Variants in EFHC2 observed in about 807,000 individuals in gnomAD.
EFHC2 encodes EF-hand domain-containing family member C2.
EFHC2 carries 18 observed loss-of-function variants against 52.7 expected under a neutral mutation model. The ratio of observed to expected loss-of-function variants is 0.34; its 90% confidence interval spans 0.24 to 0.51. The LOEUF is 0.51. Ranked by LOEUF, EFHC2 falls within the 20% of genes least tolerant of loss-of-function variation. The pLI, the probability that EFHC2 is intolerant of heterozygous loss-of-function variation, is 0.97. For missense variants in EFHC2, 513 were observed against 562.5 expected (o/e 0.91, Z 0.89); for synonymous variants, 203 against 204.1 (o/e 0.99, Z 0.04).
At chrX:44,276,620 G>A (rs971180625) in intron 2 of EFHC2, among the ~76,000 whole-genome samples, 9 of 112,103 alleles carry the variant, frequency 8.0e-5, no homozygotes, top group African/African-American at 2.9e-4. Flanking sequence ...GTTCTAACTT[G>A]ATATATGGTG....
chrX:44,161,377 C>T (rs1383223582), intron 14 of EFHC2, among the ~76,000 whole-genome samples: 1 of 111,850 alleles, frequency 8.9e-6, no homozygotes, highest in African/African-American at 3.3e-5. Context: ...CCATTACTAC[C>T]ACCTGAGGCT....
rs1029485337 is a variant in EFHC2, at chrX:44,283,504, C to T, written c.232-10668G>A. ...GCCGATCGGAAGCACTTTGACTCCC[C>T]GGAAGCACTTTGACTCCACGGAAGT... On this transcript the variant is annotated intron_variant, in intron 2 of 14. Coordinates refer to ENST00000420999, the MANE Select transcript of EFHC2 (RefSeq NM_025184.4). 5.2e-4 allele frequency among the ~76,000 whole-genome samples: 57 copies of T among 109,262 alleles called. 1 individual carries two copies. The highest frequency in any genetic ancestry group is 7.6e-4 in the Non-Finnish European group (40 of 52,612). The allele number at this position is 109,262 out of a possible 115,157, so 94.9% of individuals were successfully genotyped here. A position where few individuals can be genotyped will look rare whatever the true frequency, so the allele number is the denominator to read the frequency against.
At chrX:44,336,604 T>G (rs182254259) in intron 1 of EFHC2, among the ~76,000 whole-genome samples, 2 of 111,784 alleles carry the variant, frequency 1.8e-5, no homozygotes, top group East Asian at 5.6e-4. Context: ...GTAAGCATCC[T>G]GCCATTCATA....
chrX:44,162,953 C>T (rs1475059294), intron 14 of EFHC2, among the ~76,000 whole-genome samples: 1 of 112,058 alleles, frequency 8.9e-6, no homozygotes. Flanking sequence ...AGAGTCAATA[C>T]TTAATCCTGA....
chrX:44,242,374 G>A (rs1194684085), intron 7 of EFHC2, 85 bp from the exon 8 acceptor site: 2 of 986,228 alleles, frequency 2.0e-6, no homozygotes, highest in Non-Finnish European at 2.7e-6. Context: ...ATGTTTTCAA[G>A]ATGAACATGG....
At chrX:44,301,322 C>CT (rs1422555634) in intron 2 of EFHC2, among the ~76,000 whole-genome samples, 2 of 109,026 alleles carry the variant, frequency 1.8e-5, no homozygotes, top group African/African-American at 6.7e-5. Context: ...TTCCAACCCA[C>CT]TCCCCCCCCG....
chrX:44,265,195 C>T (rs1286197122), intron 3 of EFHC2, among the ~76,000 whole-genome samples: 1 of 112,124 alleles, frequency 8.9e-6, no homozygotes, highest in Non-Finnish European at 1.9e-5. Context: ...GATCTTTGCT[C>T]ATACCACTAA....
In EFHC2 at chrX:44,309,844, C is replaced by A. The variant is rs917581509; in HGVS notation, c.231+2724G>T. On this transcript the variant is annotated intron_variant, in intron 2 of 14. Coordinates refer to ENST00000420999, the MANE Select transcript of EFHC2 (RefSeq NM_025184.4). The stretch of plus-strand genomic sequence containing the variant: ...GGTAGCCTCTTTGTCCCCAATCCAG[C>A]GCAAGGCCCAATCTGCCTTCTTCTT... 1.4e-4 allele frequency: 160 copies of A among 1,177,266 alleles called. 1 individual carries two copies. Among genetic ancestry groups the A allele is most frequent in the Non-Finnish European group, 1.8e-4 (153 of 866,838 alleles).
chrX:44,232,626 T>C lies in EFHC2; in HGVS notation c.1475A>G (p.Gln492Arg), dbSNP rs1476681149. The C allele has an allele frequency of 1.7e-6, 2 of 1,199,214 alleles. No individual in the cohort carries two copies. The highest frequency in any genetic ancestry group is 3.0e-5 in the East Asian group (1 of 33,520). The change falls in exon 10 of 15, where the codon CAA (glutamine) becomes CGA (arginine). Residue 492 changes from glutamine (Q) to arginine (R), a missense_variant. Transcript: ENST00000420999. ...LKRSRVKKPG[Q>R]EVFKSELSEY... ...AGATAGTTCACTTTTAAAGACTTCT[T>C]GTCCAGGCTTCTTAACGCGACTTCT...
At chrX:44,287,026 T>TAAAAAA (rs57970615) in intron 2 of EFHC2, among the ~76,000 whole-genome samples, 2 of 15,207 alleles carry the variant, frequency 1.3e-4, no homozygotes, top group African/African-American at 5.1e-4. Context: ...CTCCCATCTC[T>TAAAAAA]AAAAAAAAAA....
chrX:44,194,877 G>A (rs1370654184), intron 11 of EFHC2, among the ~76,000 whole-genome samples: 3 of 111,178 alleles, frequency 2.7e-5, no homozygotes, highest in African/African-American at 9.8e-5. Context: ...CTCATTTGTC[G>A]CAATGGTAAC....
At chrX:44,272,583 A>G in intron 3 of EFHC2, 103 bp downstream of exon 3, 3 of 854,696 alleles carry the variant, frequency 3.5e-6, no homozygotes, top group Non-Finnish European at 4.8e-6. Flanking sequence ...CAGGTTAGAC[A>G]GCCTAAACAG....
intron 14 of EFHC2, among the ~76,000 whole-genome samples, chrX:44,160,358 A>C (rs1006193465): frequency 9.0e-6 from 1 of 111,620 alleles, no homozygotes; most frequent in Non-Finnish European, 1.9e-5. Flanking sequence ...GGAAAAGAAA[A>C]GAAAGGAAGA....
At position 44,232,501 on chromosome X, in the gene EFHC2, T is replaced by C. The variant is rs1477827003; in HGVS notation, c.1600A>G (p.Met534Val). 4.4e-6 allele frequency: 5 copies of C among 1,132,667 alleles called. No homozygotes were observed. The highest frequency in any genetic ancestry group is 5.9e-6 in the Non-Finnish European group (5 of 854,422). The allele number at this position is 1,132,667 out of a possible 1,213,427, so 93.3% of individuals were successfully genotyped here. The change falls in exon 10 of 15, where the codon ATG becomes GTG. Residue 534 changes from methionine to valine, a missense_variant. By Grantham distance (21) the Met-to-Val change is conservative. Transcript: ENST00000420999. ...LNADEYTLNYMEQNTDKYPFS... is the reference protein window; with the variant it reads ...LNADEYTLNYVEQNTDKYPFS... ...TTCACCTTATCTGTATTCTGCTCCA[T>C]GTAGTTTAAGGTATACTCATCAGCA...
intron 11 of EFHC2, among the ~76,000 whole-genome samples, chrX:44,205,884 T>C (rs769559808): frequency 2.7e-5 from 3 of 111,735 alleles, no homozygotes; most frequent in Admixed American, 1.9e-4. Context: ...ATGGACCTAA[T>C]AGACATCTAC....
At chrX:44,258,327 T>C (rs1478775179) in intron 4 of EFHC2, among the ~76,000 whole-genome samples, 1 of 110,003 alleles carries the variant, frequency 9.1e-6, no homozygotes, top group Admixed American at 9.7e-5. Context: ...CAAAAGAAAC[T>C]ATCATTAGAG....
chrX:44,242,506 TAA>T (rs199945466), intron 7 of EFHC2, among the ~76,000 whole-genome samples: 12 of 97,634 alleles, frequency 1.2e-4, no homozygotes, highest in Admixed American at 2.2e-4. Context: ...GTTCAAAAGT[TAA>T]AAAAAAAAAA....
At chrX:44,172,919 G>A (rs906006871) in intron 13 of EFHC2, among the ~76,000 whole-genome samples, 2 of 111,736 alleles carry the variant, frequency 1.8e-5, no homozygotes, top group African/African-American at 6.5e-5. Flanking sequence ...GGTAAGTAAG[G>A]TGACCTTATA....
At chrX:44,264,302 T>A (rs1266550774) in intron 3 of EFHC2, among the ~76,000 whole-genome samples, 1 of 111,697 alleles carries the variant, frequency 9.0e-6, no homozygotes, top group Non-Finnish European at 1.9e-5. Flanking sequence ...CCAGCCACCA[T>A]GAAAAGAAAA....
Sources: allele counts gnomAD v4.1 joint callset (sites outside exome capture counted in the v4.1 genomes callset), GRCh38; gene constraint gnomAD v4.1.1; transcripts MANE v1.5; gene names NCBI Gene and HGNC (gene_info 2026-07-23, HGNC 2026-07-21).